Variants in CCNH observed in about 807,000 individuals in gnomAD.
The protein encoded by CCNH is cyclin H.
Under a neutral mutation model 41.9 loss-of-function variants are expected in CCNH, and 31 were observed. The ratio of observed to expected loss-of-function variants is 0.74; its 90% CI spans 0.56 to 1.00. CCNH has a LOEUF of 1.00. Among genes scored for constraint, CCNH ranks in the 50% least tolerant of loss-of-function variants. CCNH has a pLI of 0.00. For missense variants in CCNH, 362 were observed against 388.4 expected (o/e 0.93, Z 0.57); for synonymous variants, 138 against 136.1 (o/e 1.01, Z -0.10).
At chr5:87,313,508 C>G (rs1756080597), downstream of CCNH, among the ~76,000 whole-genome samples, 1 of 152,138 alleles carries the variant, frequency 6.6e-6, no homozygotes, top group South Asian at 2.1e-4. Flanking sequence ...ATAGGCAGGA[C>G]TTTTTGACAG....
downstream of CCNH, among the ~76,000 whole-genome samples, chr5:87,313,890 G>A (rs1247764690): frequency 3.3e-5 from 5 of 152,084 alleles, no homozygotes; most frequent in African/African-American, 9.7e-5. Context: ...TGTTTGGGCC[G>A]GGCGTGGTGG....
intron 9 of CCNH, chr5:87,346,832 A>G (rs888117085): frequency 7.5e-6 from 6 of 800,374 alleles, no homozygotes; most frequent in Admixed American, 4.4e-5. Context: ...GTGTTTATGC[A>G]TGTTATAATT....
chr5:87,376,375 C>T lies in CCNH; in HGVS notation n.806G>A, dbSNP rs536823135. 6.2e-7 allele frequency: 1 copy of T among 1,613,328 alleles called. No individual in the cohort carries two copies. The highest frequency in any genetic ancestry group is 1.7e-5 in the Admixed American group (1 of 59,980). On this transcript the variant is annotated non_coding_transcript_exon_variant, in exon 1 of 1. Coordinates refer to the CCNH transcript ENST00000607486. ...GTGTTCTCTTTTTAAACAATAATTG[C>T]TTGTTTTTCTTCCCAAGTATTTATG...
chr5:87,351,565 C>CA (rs773661087), intron 9 of CCNH, among the ~76,000 whole-genome samples: 1 of 151,650 alleles, frequency 6.6e-6, no homozygotes, highest in Admixed American at 6.6e-5. Context: ...TCTAGAAACT[C>CA]ACGTTTATTT....
At chr5:87,354,143 G>A (rs1759480632) in intron 9 of CCNH, among the ~76,000 whole-genome samples, 1 of 151,928 alleles carries the variant, frequency 6.6e-6, no homozygotes, top group African/African-American at 2.4e-5. Context: ...GGTGGGGGGT[G>A]GGGTGGGAGG....
chr5:87,401,858 C>A (rs1763445703), intron 5 of CCNH, 86 bp from the exon 6 acceptor site: 2 of 755,154 alleles, frequency 2.6e-6, no homozygotes, highest in Non-Finnish European at 2.0e-6. Context: ...CCTCCATCCT[C>A]ATCAAAGGCA....
At position 87,358,316 on chromosome 5, in the gene CCNH, TG is replaced by T. The variant is rs200789502; in HGVS notation, c.*90+34453del. Among the ~76,000 whole-genome samples the T allele has an allele frequency of 2.4e-3, 370 of 152,326 alleles. 4 individuals carry two copies. The highest frequency in any genetic ancestry group is 3.7e-3 in the East Asian group (19 of 5,192). On this transcript the variant is annotated intron_variant and NMD_transcript_variant, in intron 9 of 9. Coordinates refer to the CCNH transcript ENST00000645953. ...TTTTTGAGCACTATATTTTAAGCAC[TG>T]TTTTTTATACATATTCATTCATTTA...
At chr5:87,393,075 A>G (rs958372157), downstream of CCNH, among the ~76,000 whole-genome samples, 2 of 143,960 alleles carry the variant, frequency 1.4e-5, no homozygotes, top group Admixed American at 1.4e-4. Context: ...CTGGAATGAG[A>G]AAAAAAAAAA....
downstream of CCNH, among the ~76,000 whole-genome samples, chr5:87,374,500 T>C (rs1761184941): frequency 1.3e-5 from 2 of 149,448 alleles, no homozygotes; most frequent in Admixed American, 6.7e-5. Context: ...CCTTTATTTG[T>C]GAAGTGCTAT....
At chr5:87,399,276 C>G (rs1763208027) in intron 7 of CCNH, 118 bp downstream of exon 7, 4 of 736,872 alleles carry the variant, frequency 5.4e-6, no homozygotes, top group Non-Finnish European at 9.5e-6. Context: ...TAAAGAAAAT[C>G]TGATTTTATG....
chr5:87,328,322 A>AT (rs11391785), intron 9 of CCNH, among the ~76,000 whole-genome samples: 151,167 of 151,642 alleles, frequency 1, 75,351 homozygotes, highest in Middle Eastern at 1. Context: ...TTCCAGTTGA[A>AT]TTTTTTTTTA....
intron 9 of CCNH, among the ~76,000 whole-genome samples, chr5:87,382,253 T>C (rs112359458): frequency 0.032 from 4,872 of 152,180 alleles, 161 homozygotes; most frequent in African/African-American, 0.074. Context: ...GCCCAGCCAA[T>C]ATATTAGAAT....
chr5:87,372,170 G>A (rs2112480098), downstream of CCNH: 1 of 1,613,622 alleles, frequency 6.2e-7, no homozygotes, highest in Non-Finnish European at 8.5e-7. Flanking sequence ...AGTAGTCCAG[G>A]GACATCCAAT....
chr5:87,353,337 C>T (rs1402598048), intron 9 of CCNH: 5 of 897,520 alleles, frequency 5.6e-6, no homozygotes, highest in Non-Finnish European at 9.0e-6. Flanking sequence ...TTGGATACAA[C>T]TTAAAACTAC....
chr5:87,408,056 G>A lies in CCNH; in HGVS notation c.445C>T (p.Leu149Phe), dbSNP rs1763928795. ...ALEQILEYEL[L>F]LIQQLNFHLI... ...TGGAAATTAAGTTGCTGTATAAGAA[G>A]TAGTTCATATTCCAGTATCTGTTCA... The change falls in exon 4 of 9, where the codon CTT (leucine) becomes TTT (phenylalanine). Residue 149 changes from leucine (L) to phenylalanine (F), a missense_variant. By Grantham distance (22) the Leu-to-Phe change is conservative. Coordinates refer to ENST00000256897, the MANE Select transcript of CCNH (RefSeq NM_001239.4). The A allele has an allele frequency of 6.2e-7, 1 of 1,613,388 alleles. No individual in the cohort carries two copies. Among genetic ancestry groups the A allele is most frequent in the Admixed American group, 1.7e-5 (1 of 60,026 alleles).
At chr5:87,374,285 G>A, downstream of CCNH, 1 of 1,605,072 alleles carries the variant, frequency 6.2e-7, no homozygotes, top group Non-Finnish European at 8.5e-7. Flanking sequence ...CAAGGGAAGG[G>A]CAAAACCCAG....
intron 9 of CCNH, among the ~76,000 whole-genome samples, chr5:87,351,389 G>C (rs1244039796): frequency 6.6e-6 from 1 of 151,668 alleles, no homozygotes; most frequent in Non-Finnish European, 1.5e-5. Context: ...ATAAATGCAT[G>C]GGAATCAATA....
At chr5:87,312,017 T>C in the CCNH span, among the ~76,000 whole-genome samples, 1 of 152,238 alleles carries the variant, frequency 6.6e-6, no homozygotes, top group Non-Finnish European at 1.5e-5. Flanking sequence ...AGGAATGTAA[T>C]GTTTTGATAA....
At chr5:87,333,369 T>C (rs749794222) in intron 9 of CCNH, 62 of 1,609,072 alleles carry the variant, frequency 3.9e-5, no homozygotes, top group Non-Finnish European at 5.0e-5. Flanking sequence ...TGTATAGGCA[T>C]TTGAAAGAGC....
Sources: gnomAD v4.1 joint callset for allele counts (sites outside exome capture counted in the v4.1 genomes callset) on GRCh38, gnomAD v4.1.1 for gene constraint, MANE v1.5 for transcripts, NCBI Gene and HGNC (gene_info 2026-07-23, HGNC 2026-07-21) for gene names.